UNC79: variants seen among roughly 807,000 people sequenced by gnomAD.
UNC79 encodes the protein unc-79 subunit of NALCN channel complex.
UNC79 carries 37 observed loss-of-function variants against 283.1 expected under a neutral mutation model. That is an observed-to-expected ratio of 0.13 (90% CI 0.10 to 0.17). The LOEUF is 0.17. Ranked by LOEUF, UNC79 falls within the 10% of genes least tolerant of loss-of-function variation. The pLI is 1.00. For synonymous variants in UNC79, 1,107 were observed against 1,200.2 expected (o/e 0.92, Z 1.61); for missense variants, 2,272 against 3,211.1 (o/e 0.71, Z 7.07).
intron 14 of UNC79, among the ~76,000 whole-genome samples, chr14:93,567,810 T>G (rs1166660503): frequency 6.6e-6 from 1 of 152,170 alleles, no homozygotes; most frequent in Non-Finnish European, 1.5e-5. Flanking sequence ...TGACACAGCC[T>G]CAGGAAAGAC....
intron 1 of UNC79, among the ~76,000 whole-genome samples, chr14:93,387,963 C>A (rs145984544): frequency 1.2e-3 from 181 of 152,166 alleles, no homozygotes; most frequent in Middle Eastern, 6.8e-3. Flanking sequence ...GCTGAATTGC[C>A]CCCTTTCTTA....
At position 93,401,302 on chromosome 14, in the gene UNC79, G is replaced by A. The variant is rs529161004; in HGVS notation, c.-350-66369G>A. Among the ~76,000 whole-genome samples, 543 of 152,306 alleles carry A rather than the reference G, an allele frequency of 3.6e-3. 5 individuals are homozygous for A. Among genetic ancestry groups the A allele is most frequent in the African/African-American group, 0.013 (521 of 41,564 alleles). ...ATAAACAACTCACAGTTTTTGAGGG[G>A]TAGGATACAAAAGATGAAGAACTAG... On this transcript the variant is annotated intron_variant, in intron 1 of 49. Coordinates refer to the UNC79 transcript ENST00000256339.
At chr14:93,583,741 C>G (rs111690717) in intron 20 of UNC79, among the ~76,000 whole-genome samples, 1 of 151,734 alleles carries the variant, frequency 6.6e-6, no homozygotes, top group Non-Finnish European at 1.5e-5. Context: ...TATAAAGACC[C>G]AGGCTCCCCA....
intron 1 of UNC79, among the ~76,000 whole-genome samples, chr14:93,467,208 T>A (rs767380932): frequency 5.1e-4 from 77 of 152,140 alleles, no homozygotes; most frequent in Non-Finnish European, 9.4e-4. Flanking sequence ...CTCCCTATAT[T>A]TTAGGATTTT....
chr14:93,616,558 C>G (rs1356777572), intron 27 of UNC79, among the ~76,000 whole-genome samples: 2 of 151,968 alleles, frequency 1.3e-5, no homozygotes, highest in East Asian at 3.9e-4. Flanking sequence ...TTGGTAGAGA[C>G]AGGGTTTCGC....
chr14:93,540,689 A>G lies in UNC79; in HGVS notation c.1382A>G (p.Glu461Gly). ...TTGAAAGAAGCCGAGTTCCATGCTG[A>G]GCAGCGAGAACATGAGCTGAACCGG... The change falls in exon 13 of 49, where the codon GAG (glutamate) becomes GGG (glycine). Residue 461 changes from glutamate (E) to glycine (G), a missense_variant. By Grantham distance (98) the Glu-to-Gly change is moderately conservative. Around this residue, in one of 11 missense-constraint regions of UNC79, gnomAD observed 142 missense variants for 230.7 expected, o/e 0.62. Transcript: ENST00000555664. 1.2e-6 allele frequency: 2 copies of G among 1,613,662 alleles called. 1 individual carries two copies. The highest frequency in any genetic ancestry group is 2.2e-5 in the South Asian group (2 of 91,040).
At chr14:93,344,279 A>G (rs2053777041) in intron 1 of UNC79, among the ~76,000 whole-genome samples, 1 of 152,230 alleles carries the variant, frequency 6.6e-6, no homozygotes, top group Admixed American at 6.5e-5. Context: ...ACCCAAAGAA[A>G]AAAGTCTTGA....
chr14:93,652,299 A>G (rs970401643), intron 35 of UNC79, among the ~76,000 whole-genome samples: 3 of 151,706 alleles, frequency 2.0e-5, no homozygotes, highest in Non-Finnish European at 4.4e-5. Context: ...GTCTTGCTCT[A>G]TCACCCAGGC....
At chr14:93,550,359 A>T (rs867576958) in intron 14 of UNC79, among the ~76,000 whole-genome samples, 27 of 152,190 alleles carry the variant, frequency 1.8e-4, no homozygotes, top group African/African-American at 6.0e-4. Context: ...TACTAAAAAT[A>T]CAAAAATTAG....
exon 38 of UNC79, chr14:93,655,321 A>G (rs748841021): frequency 4.3e-6 from 7 of 1,614,060 alleles, no homozygotes; most frequent in Admixed American, 3.3e-5. Context: ...AGCTTTGCCT[A>G]TGGATTCTCC....
chr14:93,360,980 A>G (rs1595387027), intron 1 of UNC79, among the ~76,000 whole-genome samples: 1 of 152,026 alleles, frequency 6.6e-6, no homozygotes, highest in Non-Finnish European at 1.5e-5. Context: ...TTGGGAGGCC[A>G]AGGCAGGTGG....
chr14:93,393,981 GTT>G (rs200416327), intron 1 of UNC79, among the ~76,000 whole-genome samples: 1 of 145,024 alleles, frequency 6.9e-6, no homozygotes. Flanking sequence ...ATTTTGTCAG[GTT>G]TTTTTTTTTA....
chr14:93,545,226 CTT>C (rs1595818083), intron 14 of UNC79, among the ~76,000 whole-genome samples: 1 of 152,142 alleles, frequency 6.6e-6, no homozygotes, highest in African/African-American at 2.4e-5. Context: ...TAAAATTTCT[CTT>C]TACAATCACC....
chr14:93,475,054 T>A (rs1481808264), intron 3 of UNC79, among the ~76,000 whole-genome samples: 1 of 152,186 alleles, frequency 6.6e-6, no homozygotes, highest in Non-Finnish European at 1.5e-5. Context: ...AGAATAGAAG[T>A]CTAAGAGCCT....
chr14:93,596,653 C>G (rs1596002435), intron 23 of UNC79, among the ~76,000 whole-genome samples: 1 of 151,962 alleles, frequency 6.6e-6, no homozygotes, highest in East Asian at 1.9e-4. Context: ...AAAACAAAAC[C>G]AACAAACAAA....
At chr14:93,425,782 A>T (rs115920073), upstream of UNC79, among the ~76,000 whole-genome samples, 1 of 152,368 alleles carries the variant, frequency 6.6e-6, no homozygotes, top group African/African-American at 2.4e-5. Context: ...GAAATATAAG[A>T]ATCTGTTTAC....
At position 93,528,751 on chromosome 14, in the gene UNC79, C is replaced by T. The variant is rs1417571351; in HGVS notation, c.1052+105C>T. 7.5e-6 allele frequency: 8 copies of T among 1,064,450 alleles called. No homozygotes were observed. The African/African-American group carries it at 8.0e-5, about 11-fold the overall frequency. The allele number at this position is 1,064,450 out of a possible 1,614,324, so 65.9% of individuals were successfully genotyped here. On this transcript the variant is annotated intron_variant, in intron 9 of 48. Coordinates refer to ENST00000555664, the Ensembl canonical transcript of UNC79. ...TACATTGCTAAAGTTTCTCTCTAGC[C>T]TCTCTGATTTTTAAAGGTTAATTAT...
Position 93,403,508 on chromosome 14 carries a change from G to A in UNC79, c.-350-64163G>A, listed in dbSNP as rs1010698715. Reference sequence around the variant, plus strand: ...TTTCCCTTTAGCTTAGTGATTTTGGGGTCCTGAGATTTATTTTCTTTTCAC... The same window carrying A: ...TTTCCCTTTAGCTTAGTGATTTTGGAGTCCTGAGATTTATTTTCTTTTCAC... On this transcript the variant is annotated intron_variant, in intron 1 of 49. Transcript: ENST00000256339. 2.6e-5 allele frequency among the ~76,000 whole-genome samples: 4 copies of A among 152,032 alleles called. No individual in the cohort carries two copies. In the East Asian group the frequency reaches 7.7e-4, roughly 29 times the overall value.
chr14:93,565,702 AACAG>A (rs1223848276), intron 14 of UNC79, among the ~76,000 whole-genome samples: 3 of 152,278 alleles, frequency 2.0e-5, no homozygotes, highest in Admixed American at 6.5e-5. Flanking sequence ...TTCACACTGA[AACAG>A]ACAGACGACA....
Sources: allele counts gnomAD v4.1 joint callset (sites outside exome capture counted in the v4.1 genomes callset), GRCh38; gene constraint gnomAD v4.1.1; regional missense constraint gnomAD v4.1.1; transcripts MANE v1.5; gene names NCBI Gene and HGNC (gene_info 2026-07-23, HGNC 2026-07-21).